Variants in NAP1L1 observed in about 807,000 individuals in gnomAD.
The protein encoded by NAP1L1 is nucleosome assembly protein 1 like 1.
Under a neutral mutation model 58.9 loss-of-function variants are expected in NAP1L1, and 9 were observed. The observed-to-expected ratio is 0.15, with a 90% CI of 0.09 to 0.27. The LOEUF is 0.27. NAP1L1 is among the 10% of genes least tolerant of loss of function. NAP1L1 has a pLI of 1.00. For synonymous variants in NAP1L1, 130 were observed against 138.3 expected (o/e 0.94, Z 0.42); for missense variants, 302 against 458.8 (o/e 0.66, Z 3.12).
intron 6 of NAP1L1, chr12:76,057,798 A>T: frequency 6.4e-7 from 1 of 1,551,560 alleles, no homozygotes; most frequent in Non-Finnish European, 8.7e-7. Flanking sequence ...AAGGAACAGC[A>T]GGGGAAGAAG....
At chr12:76,048,553 T>C in intron 14 of NAP1L1, 89 bp from the exon 15 acceptor site, 1 of 1,310,936 alleles carries the variant, frequency 7.6e-7, no homozygotes, top group Non-Finnish European at 1.1e-6. Context: ...ATTATAACAG[T>C]AGCTCACTGT....
intron 2 of NAP1L1, among the ~76,000 whole-genome samples, chr12:76,073,612 T>G (rs1950058707): frequency 6.6e-6 from 1 of 152,220 alleles, no homozygotes; most frequent in Non-Finnish European, 1.5e-5. Context: ...GCAATGTTGC[T>G]TTACATAGCT....
chr12:76,061,920 G>A (rs1949435561), intron 4 of NAP1L1, among the ~76,000 whole-genome samples: 1 of 152,120 alleles, frequency 6.6e-6, no homozygotes, highest in African/African-American at 2.4e-5. Context: ...AGAAACTTTA[G>A]AACAAGAATG....
intron 2 of NAP1L1, among the ~76,000 whole-genome samples, chr12:76,071,406 A>G (rs1949947107): frequency 6.6e-6 from 1 of 152,228 alleles, no homozygotes; most frequent in Admixed American, 6.5e-5. Context: ...AAGATGGCAG[A>G]TGCCACAAAC....
chr12:76,070,773 C>T (rs1435561263), intron 2 of NAP1L1, among the ~76,000 whole-genome samples: 2 of 152,168 alleles, frequency 1.3e-5, no homozygotes, highest in Non-Finnish European at 2.9e-5. Flanking sequence ...TATAAAATGG[C>T]ACAGTAATTA....
rs1436113662 is a variant in NAP1L1, at chr12:76,043,522, C to T, written c.*4907G>A. ...AATTTCTACATGGAATGGTCATCCT[C>T]ATCCTCACTTGAAATACTCTTGTAA... On this transcript the variant is annotated 3_prime_UTR_variant, in exon 15 of 15. Transcript: ENST00000618691. The T allele has an allele frequency of 6.6e-6, 1 of 151,412 alleles. No homozygotes were observed. Among genetic ancestry groups the T allele is most frequent in the Non-Finnish European group, 1.5e-5 (1 of 67,952 alleles). The allele number at this position is 151,412 out of a possible 1,614,324, so 9.4% of individuals were successfully genotyped here.
At chr12:76,081,364 C>G (rs999749836) in intron 1 of NAP1L1, among the ~76,000 whole-genome samples, 1 of 152,158 alleles carries the variant, frequency 6.6e-6, no homozygotes, top group Non-Finnish European at 1.5e-5. Context: ...CCTGAATAAT[C>G]AATCAGTGTT....
chr12:76,078,994 T>TACACACAC (rs756057648), intron 1 of NAP1L1, among the ~76,000 whole-genome samples: 42 of 151,418 alleles, frequency 2.8e-4, no homozygotes, highest in African/African-American at 9.7e-4. Flanking sequence ...TATATATATA[T>TACACACAC]ACACACACAC....
intron 11 of NAP1L1, among the ~76,000 whole-genome samples, chr12:76,051,843 C>T (rs1266963785): frequency 6.6e-6 from 1 of 151,896 alleles, no homozygotes; most frequent in African/African-American, 2.4e-5. Flanking sequence ...GGTGAAACCC[C>T]GTCTCTACTA....
rs777784648 is a variant in NAP1L1, at chr12:76,056,024, T to C, written c.558+9A>G. The C allele has an allele frequency of 1.6e-5, 26 of 1,610,168 alleles. No individual in the cohort carries two copies. The East Asian group carries it at 4.9e-4, about 30-fold the overall frequency. On this transcript the variant is annotated intron_variant, in intron 7 of 14. Transcript: ENST00000618691. ...CAAAGTAAACTGGTACATTTATGAA[T>C]AAAATTACCTGAACCATATCACTGA... is the stretch of plus-strand genomic sequence containing the variant.
chr12:76,077,474 A>G (rs1287623880), intron 1 of NAP1L1, among the ~76,000 whole-genome samples: 1 of 152,224 alleles, frequency 6.6e-6, no homozygotes, highest in Non-Finnish European at 1.5e-5. Flanking sequence ...TCTGCATTCT[A>G]AACAAGAAAC....
intron 4 of NAP1L1, among the ~76,000 whole-genome samples, chr12:76,066,157 C>T (rs142053634): frequency 7.5e-6 from 1 of 133,106 alleles, no homozygotes; most frequent in South Asian, 2.5e-4. Flanking sequence ...AACAAACAAA[C>T]CTGGCTCAAA....
chr12:76,049,662 C>G, intron 13 of NAP1L1, 94 bp downstream of exon 13: 1 of 1,559,268 alleles, frequency 6.4e-7, no homozygotes, highest in Non-Finnish European at 8.8e-7. Context: ...TCCCAAATCA[C>G]AGAATGATTA....
At chr12:76,069,488 C>G (rs1197296848) in intron 2 of NAP1L1, among the ~76,000 whole-genome samples, 1 of 152,160 alleles carries the variant, frequency 6.6e-6, no homozygotes, top group Non-Finnish European at 1.5e-5. Context: ...AAGCCTTTAT[C>G]TTAATCCCTC....
chr12:76,076,122 C>CT (rs1565747055), intron 1 of NAP1L1, among the ~76,000 whole-genome samples: 1 of 152,156 alleles, frequency 6.6e-6, no homozygotes, highest in Non-Finnish European at 1.5e-5. Flanking sequence ...CTAGAAGGTT[C>CT]TTCCACAGCT....
chr12:76,059,772 C>T (rs1949314523), intron 6 of NAP1L1, 26 bp downstream of exon 6: 1 of 1,486,514 alleles, frequency 6.7e-7, no homozygotes, highest in Non-Finnish European at 9.3e-7. Flanking sequence ...ATCTTAAAAA[C>T]ATACCAAAAT....
chr12:76,058,387 CT>C (rs34510500), intron 6 of NAP1L1, among the ~76,000 whole-genome samples: 45,587 of 132,924 alleles, frequency 0.34, 7,387 homozygotes, highest in Non-Finnish European at 0.41. Flanking sequence ...TTATTTGGTA[CT>C]TTTTTTTTTT....
chr12:76,072,548 A>T (rs922383403), intron 2 of NAP1L1, among the ~76,000 whole-genome samples: 3 of 152,234 alleles, frequency 2.0e-5, no homozygotes, highest in African/African-American at 7.2e-5. Context: ...TCCCTGAACT[A>T]AAAGCCACTG....
At chr12:76,048,513 G>C (rs1413907152) in intron 14 of NAP1L1, 49 bp from the exon 15 acceptor site, 2 of 1,597,878 alleles carry the variant, frequency 1.3e-6, no homozygotes, top group African/African-American at 2.7e-5. Flanking sequence ...ACCTGCTTCA[G>C]TGAATTTCTC....
Sources: allele counts gnomAD v4.1 joint callset (sites outside exome capture counted in the v4.1 genomes callset), GRCh38; gene constraint gnomAD v4.1.1; transcripts MANE v1.5; gene names NCBI Gene and HGNC (gene_info 2026-07-23, HGNC 2026-07-21).